Variants in TM7SF3 observed in about 807,000 individuals in gnomAD.
TM7SF3 encodes seven span transmembrane protein.
In TM7SF3, 60 loss-of-function variants were observed where a neutral mutation model predicts 65.5. The ratio of observed to expected loss-of-function variants is 0.92; its 90% CI spans 0.74 to 1.14. The LOEUF (loss-of-function observed/expected upper bound fraction) is 1.14, where lower values mean the gene tolerates loss of function less well. TM7SF3 is among the 50% of genes most tolerant of loss of function. The probability of loss-of-function intolerance (pLI) is 0.00; values close to 1 mark genes in which losing one functional copy is unlikely to be tolerated. For missense variants in TM7SF3, 623 were observed against 684.8 expected (o/e 0.91, Z 1.01); for synonymous variants, 264 against 259.6 (o/e 1.02, Z -0.16).
intron 3 of TM7SF3, among the ~76,000 whole-genome samples, chr12:26,997,992 A>T (rs928179598): frequency 1.3e-5 from 2 of 151,438 alleles, no homozygotes; most frequent in African/African-American, 4.8e-5. Context: ...CACCTGACTA[A>T]TTTTTGTATT....
rs1443502662 is a variant in TM7SF3, at chr12:27,014,031, A to C, written c.91+47T>G. 2.7e-6 allele frequency: 4 copies of C among 1,505,470 alleles called. No homozygotes were observed. The South Asian group carries it at 4.8e-5, about 18-fold the overall frequency. 93.3% of individuals were successfully genotyped at this position (1,505,470 alleles called of 1,614,324 possible). ...CTGGCGGATTTTGACCTCGCAAGAAATGCAAAAGCAACTTTGGGTTGCAGA... is the reference window on the plus strand; with the variant it reads ...CTGGCGGATTTTGACCTCGCAAGAACTGCAAAAGCAACTTTGGGTTGCAGA... On this transcript the variant is annotated intron_variant, in intron 1 of 11. Transcript: ENST00000343028.
Position 27,014,343 on chromosome 12 carries a change from C to G in TM7SF3, c.-175G>C, listed in dbSNP as rs1012951214. On this transcript the variant is annotated 5_prime_UTR_variant, in exon 1 of 12. Coordinates refer to ENST00000343028, the MANE Select transcript of TM7SF3 (RefSeq NM_016551.3). ...CCGCAGCCGCCGGCGCGCGCCCCGC[C>G]GAACTCCTAGCCCCAGCGAGAGGTT... 10 of 396,064 alleles carry G rather than the reference C, an allele frequency of 2.5e-5. No homozygotes were observed. The highest frequency in any genetic ancestry group is 4.2e-5 in the African/African-American group (2 of 47,160). 24.5% of individuals were successfully genotyped at this position (396,064 alleles called of 1,614,324 possible). A position where few individuals can be genotyped will look rare whatever the true frequency, so the allele number is the denominator to read the frequency against.
chr12:26,989,160 G>A (rs1011023319), intron 6 of TM7SF3, among the ~76,000 whole-genome samples: 1 of 152,204 alleles, frequency 6.6e-6, no homozygotes, highest in Non-Finnish European at 1.5e-5. Flanking sequence ...CACGGGTGGG[G>A]TATGGTGGCT....
Position 27,014,091 on chromosome 12 carries a change from C to G in TM7SF3, c.78G>C (p.Gly26=). ...CCCCGACCTTACCCTCGCTGGAATT[C>G]CCGAAGACCTCGGCTGCACCAGCCA... is the stretch of plus-strand genomic sequence containing the variant. The part of the protein sequence containing the change: ...HRVAGAAEVF[G]NSSEGLIEFS... Residue 26 remains glycine (G), a synonymous_variant, in exon 1 of 12, where the codon GGG becomes GGC. Transcript: ENST00000343028. 1 of 1,570,248 alleles carries G rather than the reference C, an allele frequency of 6.4e-7. No individual in the cohort carries two copies. The highest frequency in any genetic ancestry group is 1.3e-5 in the African/African-American group (1 of 74,240).
At chr12:26,992,553 G>A (rs1396742098) in intron 5 of TM7SF3, among the ~76,000 whole-genome samples, 2 of 152,254 alleles carry the variant, frequency 1.3e-5, no homozygotes, top group East Asian at 3.9e-4. Flanking sequence ...CAAAGTGCTG[G>A]GATTACAGGC....
intron 1 of TM7SF3, among the ~76,000 whole-genome samples, chr12:27,006,284 T>G (rs774916645): frequency 1.1e-4 from 17 of 151,774 alleles, no homozygotes; most frequent in Admixed American, 2.0e-4. Context: ...ATTACAGGCA[T>G]GTGCCACCAC....
At chr12:26,996,942 A>G (rs1433868351) in intron 3 of TM7SF3, 80 bp from the exon 4 acceptor site, 1 of 1,450,392 alleles carries the variant, frequency 6.9e-7, no homozygotes, top group Non-Finnish European at 9.2e-7. Flanking sequence ...AACTCTATCT[A>G]CTCTTACAAA....
At chr12:26,983,104 C>T (rs577734942) in intron 6 of TM7SF3, among the ~76,000 whole-genome samples, 14 of 152,090 alleles carry the variant, frequency 9.2e-5, no homozygotes, top group African/African-American at 2.7e-4. Context: ...TTGCTGATAG[C>T]GGTATGGAAC....
At position 27,003,245 on chromosome 12, in the gene TM7SF3, G is replaced by A; in HGVS notation, c.237C>T (p.Ser79=). ...IHSQYQNTTV[S]FSPTLLSNSS... is the part of the protein sequence containing the mutation. Reference sequence around the variant, plus strand: ...AATTCTTTGCACTTACCGGAGAAAAGGAAACAGTTGTATTCTGATACTGTG... The same window carrying A: ...AATTCTTTGCACTTACCGGAGAAAAAGAAACAGTTGTATTCTGATACTGTG... The change falls in exon 2 of 12, where the codon TCC becomes TCT. Residue 79 remains serine, a synonymous_variant. Transcript: ENST00000343028. 1 of 1,603,320 alleles carries A rather than the reference G, an allele frequency of 6.2e-7. No individual in the cohort carries two copies. The highest frequency in any genetic ancestry group is 8.5e-7 in the Non-Finnish European group (1 of 1,175,796).
rs757458529 is a variant in TM7SF3 at position 26,982,793 on chromosome 12, C to A, written c.935G>T (p.Gly312Val). Residue 312 changes from glycine to valine, a missense_variant, in exon 7 of 12, where the codon GGA becomes GTA. Physicochemically the swap from Gly to Val is moderately radical, Grantham distance 109. Transcript: ENST00000343028. ...ALLGFFICFF[G>V]HRFWKTELFF... ...AATACCTGTTTTCCAGAATCTGTGT[C>A]CAAAGAAACAAATGAAGAAACCAAG... 6.2e-7 allele frequency: 1 copy of A among 1,608,440 alleles called. No individual in the cohort carries two copies. Among genetic ancestry groups the A allele is most frequent in the Non-Finnish European group, 8.5e-7 (1 of 1,178,210 alleles).
At position 26,980,592 on chromosome 12, in the gene TM7SF3, G is replaced by A. The variant is rs899944306; in HGVS notation, c.1010C>T (p.Thr337Ile). 1.3e-6 allele frequency: 2 copies of A among 1,560,624 alleles called. No homozygotes were observed. Among genetic ancestry groups the A allele is most frequent in the African/African-American group, 1.4e-5 (1 of 73,552 alleles). The change falls in exon 8 of 12, where the codon ACA becomes ATA. Residue 337 changes from threonine to isoleucine, a missense_variant. Transcript: ENST00000343028. ...IMGFFFYILI[T>I]RLTPIKYDVN... is the part of the protein sequence containing the mutation. Reference sequence around the variant, plus strand: ...ATCATACTTGATAGGTGTCAGTCTTGTAATCAGTATATAAAAGAAGAATCC... The same window carrying A: ...ATCATACTTGATAGGTGTCAGTCTTATAATCAGTATATAAAAGAAGAATCC...
chr12:27,012,126 T>C (rs2136463088), intron 1 of TM7SF3, among the ~76,000 whole-genome samples: 1 of 152,308 alleles, frequency 6.6e-6, no homozygotes, highest in East Asian at 1.9e-4. Flanking sequence ...CCATGCCATG[T>C]AAGATATTCT....
intron 2 of TM7SF3, among the ~76,000 whole-genome samples, chr12:27,000,585 A>G (rs530193565): frequency 6.6e-6 from 1 of 152,028 alleles, no homozygotes; most frequent in East Asian, 1.9e-4. Context: ...TCAGCCTCCC[A>G]AGTAGCTGGG....
intron 6 of TM7SF3, among the ~76,000 whole-genome samples, chr12:26,985,652 A>AAAAT (rs1565872267): frequency 2.6e-5 from 1 of 39,110 alleles, no homozygotes; most frequent in Non-Finnish European, 4.4e-5. Flanking sequence ...AAAAAAAAAA[A>AAAAT]ATATATATAT....
chr12:27,000,826 A>T (rs879932917), intron 2 of TM7SF3, among the ~76,000 whole-genome samples: 6 of 151,966 alleles, frequency 3.9e-5, no homozygotes, highest in Admixed American at 6.6e-5. Flanking sequence ...CAAAATAGCA[A>T]ATGTATGCAT....
At position 26,979,467 on chromosome 12, in the gene TM7SF3, G is replaced by A. The variant is rs1390856069; in HGVS notation, c.1189+317C>T. The stretch of plus-strand genomic sequence containing the variant: ...CCAGAAACAAAGTACCAGGTTCCCC[G>A]ACTCAGCTGCCATCAGAGCCTTTAC... On this transcript the variant is annotated intron_variant, in intron 9 of 11. Transcript: ENST00000343028. 5 of 260,036 alleles carry A rather than the reference G, an allele frequency of 1.9e-5. No homozygotes were observed. The South Asian group carries it at 2.8e-4, about 15-fold the overall frequency. 16.1% of individuals were successfully genotyped at this position (260,036 alleles called of 1,614,324 possible).
chr12:26,973,671 A>G lies in TM7SF3; in HGVS notation c.*294T>C. On this transcript the variant is annotated 3_prime_UTR_variant, in exon 12 of 12. Transcript: ENST00000343028. The stretch of plus-strand genomic sequence containing the variant: ...AATCAGTTTTTAATTTTTTTAATGT[A>G]TCTATTTAATGGAATAAGTTGATCA... The G allele has an allele frequency of 3.6e-6, 1 of 274,488 alleles. No homozygotes were observed. Among genetic ancestry groups the G allele is most frequent in the Non-Finnish European group, 6.8e-6 (1 of 147,276 alleles). The allele number at this position is 274,488 out of a possible 1,614,324, so 17.0% of individuals were successfully genotyped here.
chr12:27,010,202 A>G (rs552199468), intron 1 of TM7SF3, among the ~76,000 whole-genome samples: 7 of 152,360 alleles, frequency 4.6e-5, no homozygotes, highest in Non-Finnish European at 7.3e-5. Flanking sequence ...AACAACTTTT[A>G]AACTGCCCAA....
Position 26,974,275 on chromosome 12 carries a change from T to C in TM7SF3, c.1451-48A>G, listed in dbSNP as rs766368101. ...CAGTTTGAACTCTAGTATTTTAAAA[T>C]CTAACATAATAATACAACCCTTCAT... On this transcript the variant is annotated intron_variant, in intron 11 of 11. Coordinates refer to ENST00000343028, the MANE Select transcript of TM7SF3 (RefSeq NM_016551.3). 6 of 1,565,334 alleles carry C rather than the reference T, an allele frequency of 3.8e-6. No homozygotes were observed. The South Asian group carries it at 7.2e-5, about 19-fold the overall frequency.
Sources: allele counts gnomAD v4.1 joint callset (sites outside exome capture counted in the v4.1 genomes callset), GRCh38; gene constraint gnomAD v4.1.1; transcripts MANE v1.5; gene names NCBI Gene and HGNC (gene_info 2026-07-23, HGNC 2026-07-21).